Variants in TSHR observed in about 807,000 individuals in gnomAD.
The protein encoded by TSHR is thyrotropin receptor.
TSHR carries 51 observed loss-of-function variants against 64.1 expected under a neutral mutation model. That is an observed-to-expected ratio of 0.80 (90% CI 0.64 to 1.01). The LOEUF is 1.01. Ranked by LOEUF, TSHR falls within the 50% of genes least tolerant of loss-of-function variation. The pLI is 0.00. For synonymous variants in TSHR, 361 were observed against 361.9 expected, an observed-to-expected ratio of 1.00 and a Z score of 0.03; for missense variants, 877 against 942.8, an observed-to-expected ratio of 0.93 and a Z score of 0.91.
chr14:81,145,280 A>G lies in TSHR; in HGVS notation c.*927A>G. 1 of 233,110 alleles carries G rather than the reference A, an allele frequency of 4.3e-6. No homozygotes were observed. The highest frequency in any genetic ancestry group is 8.5e-6 in the Non-Finnish European group (1 of 117,976). 14.4% of individuals were successfully genotyped at this position (233,110 alleles called of 1,614,324 possible). ...TCTAGTACATCCCTTTCCCTCAAAT[A>G]TATATTTCTAAGATAAAGAGAAAGA... On this transcript the variant is annotated 3_prime_UTR_variant, in exon 10 of 10. Coordinates refer to ENST00000298171, the MANE Select transcript of TSHR (RefSeq NM_000369.5).
rs1405377453 is a variant in TSHR, at chr14:81,145,972, A to C, written c.*1619A>C. ...GGTCCCCACAGATGGTCCCTGCTGG[A>C]CTCACCTGGAATCTCTCCACAGCCA... On this transcript the variant is annotated 3_prime_UTR_variant, in exon 10 of 10. Coordinates refer to ENST00000298171, the MANE Select transcript of TSHR (RefSeq NM_000369.5). 4.3e-6 allele frequency: 1 copy of C among 231,896 alleles called. No homozygotes were observed. The highest frequency in any genetic ancestry group is 8.5e-6 in the Non-Finnish European group (1 of 117,324). 14.4% of individuals were successfully genotyped at this position (231,896 alleles called of 1,614,324 possible).
At chr14:81,102,301 G>A (rs1193682406) in intron 7 of TSHR, among the ~76,000 whole-genome samples, 4 of 152,184 alleles carry the variant, frequency 2.6e-5, no homozygotes, top group Non-Finnish European at 5.9e-5. Flanking sequence ...GGATTCTGTG[G>A]GAGGCTTAGC....
At chr14:81,092,358 C>T (rs1349725137) in intron 5 of TSHR, among the ~76,000 whole-genome samples, 173 bp from the exon 6 acceptor site, 1 of 152,172 alleles carries the variant, frequency 6.6e-6, no homozygotes, top group African/African-American at 2.4e-5. Context: ...ACAGCTCTCA[C>T]CACCTCACCA....
rs1055837228 is a variant in TSHR at position 81,089,071 on chromosome 14, G to A, written c.392+1043G>A. 1.6e-4 allele frequency among the ~76,000 whole-genome samples: 23 copies of A among 146,440 alleles called. 1 individual carries two copies. The highest frequency in any genetic ancestry group is 5.0e-4 in the African/African-American group (20 of 39,752). ...GGTGTGATCTTGGCTCACTGCAACCGCCACTTCCTGCATTCAAGCGATTCT... is the reference window on the plus strand; with the variant it reads ...GGTGTGATCTTGGCTCACTGCAACCACCACTTCCTGCATTCAAGCGATTCT... On this transcript the variant is annotated intron_variant, in intron 4 of 9. Transcript: ENST00000298171.
intron 1 of TSHR, among the ~76,000 whole-genome samples, chr14:81,028,641 G>A (rs1199962813): frequency 6.6e-6 from 1 of 152,036 alleles, no homozygotes; most frequent in Non-Finnish European, 1.5e-5. Flanking sequence ...ACTGCCATGA[G>A]CAAATGGAAA....
At chr14:81,011,793 G>C (rs1442936027) in intron 1 of TSHR, among the ~76,000 whole-genome samples, 1 of 152,022 alleles carries the variant, frequency 6.6e-6, no homozygotes, top group African/African-American at 2.4e-5. Context: ...TTCTCCTGCG[G>C]AGATTGCAGT....
intron 1 of TSHR, among the ~76,000 whole-genome samples, chr14:80,975,321 C>T (rs1157186516): frequency 6.6e-6 from 1 of 152,214 alleles, no homozygotes; most frequent in Non-Finnish European, 1.5e-5. Context: ...TTCTTCTCCA[C>T]TTTTGTAGCA....
At chr14:81,008,253 A>T (rs1889709032) in intron 1 of TSHR, among the ~76,000 whole-genome samples, 1 of 151,572 alleles carries the variant, frequency 6.6e-6, no homozygotes, top group African/African-American at 2.4e-5. Flanking sequence ...GCTCACTGCA[A>T]GCTCCGCTTC....
At chr14:81,128,762 CCTT>C (rs1480225493) in intron 8 of TSHR, among the ~76,000 whole-genome samples, 1 of 152,180 alleles carries the variant, frequency 6.6e-6, no homozygotes, top group Non-Finnish European at 1.5e-5. Flanking sequence ...ATAGCTGTCT[CCTT>C]CGTCTGATAC....
intron 3 of TSHR, among the ~76,000 whole-genome samples, chr14:81,075,173 A>T (rs73351689): frequency 0.074 from 11,237 of 152,244 alleles, 1,396 homozygotes; most frequent in African/African-American, 0.25. Flanking sequence ...ATAAGGCAAA[A>T]GCTAAGCTAT....
intron 1 of TSHR, among the ~76,000 whole-genome samples, chr14:80,970,235 A>T (rs989510749): frequency 6.6e-6 from 1 of 152,192 alleles, no homozygotes; most frequent in Non-Finnish European, 1.5e-5. Flanking sequence ...TAGGCCACCT[A>T]TTCATGAATT....
In TSHR at chr14:81,143,830, T is replaced by A. The variant is rs1176543711; in HGVS notation, c.1772T>A (p.Ile591Lys). The part of the protein sequence containing the change: ...AYIVFVLTLN[I>K]VAFVIVCCCY... ...ATTGTTTTTGTTCTGACGCTCAACATAGTTGCCTTCGTCATCGTCTGCTGC... is the reference window on the plus strand; with the variant it reads ...ATTGTTTTTGTTCTGACGCTCAACAAAGTTGCCTTCGTCATCGTCTGCTGC... Residue 591 changes from isoleucine to lysine, a missense_variant, in exon 10 of 10, where the codon ATA becomes AAA. Physicochemically the swap from Ile to Lys is moderately radical, Grantham distance 102 (BLOSUM62 -3). Coordinates refer to ENST00000298171, the MANE Select transcript of TSHR (RefSeq NM_000369.5). 6.2e-7 allele frequency: 1 copy of A among 1,613,918 alleles called. No homozygotes were observed. The highest frequency in any genetic ancestry group is 8.5e-7 in the Non-Finnish European group (1 of 1,180,024).
At chr14:81,077,740 C>G (rs1887604290) in intron 3 of TSHR, among the ~76,000 whole-genome samples, 2 of 152,062 alleles carry the variant, frequency 1.3e-5, no homozygotes, top group Admixed American at 1.3e-4. Flanking sequence ...TTTGCTTTGT[C>G]TTCTCTGTTC....
At chr14:81,076,865 C>T (rs1394214446) in intron 3 of TSHR, among the ~76,000 whole-genome samples, 4 of 152,160 alleles carry the variant, frequency 2.6e-5, no homozygotes, top group African/African-American at 9.7e-5. Context: ...AGTATCTTAA[C>T]ATAAACAGCC....
At chr14:80,999,553 A>C (rs950698906) in intron 1 of TSHR, among the ~76,000 whole-genome samples, 3 of 152,152 alleles carry the variant, frequency 2.0e-5, no homozygotes, top group Non-Finnish European at 4.4e-5. Context: ...TCAATATTTC[A>C]CCTGTGCTGC....
At chr14:80,972,341 CA>C (rs1473263023) in intron 1 of TSHR, among the ~76,000 whole-genome samples, 3 of 152,098 alleles carry the variant, frequency 2.0e-5, no homozygotes, top group Non-Finnish European at 4.4e-5. Context: ...TGCCCAGACC[CA>C]TACTATATGT....
chr14:81,063,231 T>C (rs1886368118), intron 2 of TSHR, among the ~76,000 whole-genome samples: 1 of 152,160 alleles, frequency 6.6e-6, no homozygotes, highest in Non-Finnish European at 1.5e-5. Flanking sequence ...CTCTCATTCC[T>C]CTTCTTGTCT....
At chr14:81,012,717 T>C (rs1324530099) in intron 1 of TSHR, 4 of 152,092 alleles carry the variant, frequency 2.6e-5, no homozygotes, top group Non-Finnish European at 4.4e-5. Context: ...TTTCATGTGT[T>C]TTTTGGCTGC....
intron 1 of TSHR, among the ~76,000 whole-genome samples, chr14:80,978,430 G>T (rs1037838408): frequency 3.3e-5 from 5 of 152,206 alleles, no homozygotes; most frequent in African/African-American, 1.2e-4. Context: ...AGTGCAAGTG[G>T]TTCATTGAAA....
Sources: allele counts gnomAD v4.1 joint callset (sites outside exome capture counted in the v4.1 genomes callset), GRCh38; gene constraint gnomAD v4.1.1; transcripts MANE v1.5; gene names NCBI Gene and HGNC (gene_info 2026-07-23, HGNC 2026-07-21).